NSMAF: variants seen among roughly 807,000 people sequenced by gnomAD.
NSMAF encodes protein FAN.
A neutral mutation model predicts 134.9 loss-of-function variants in NSMAF; 90 were observed. The ratio of observed to expected loss-of-function variants is 0.67; its 90% confidence interval spans 0.56 to 0.79. The LOEUF is 0.79. NSMAF is among the 30% of genes least tolerant of loss of function. The pLI, the probability that NSMAF is intolerant of heterozygous loss-of-function variation, is 0.00. For synonymous variants in NSMAF, 358 were observed against 389.6 expected (o/e 0.92, Z 0.96); for missense variants, 1,010 against 1,119.0 (o/e 0.90, Z 1.39).
chr8:58,610,869 C>T (rs542307713), intron 9 of NSMAF, among the ~76,000 whole-genome samples: 1 of 152,262 alleles, frequency 6.6e-6, no homozygotes, highest in South Asian at 2.1e-4. Context: ...GATCCCAAGT[C>T]CTGTGGAAGA....
chr8:58,632,755 G>A, intron 5 of NSMAF, among the ~76,000 whole-genome samples: 1 of 152,302 alleles, frequency 6.6e-6, no homozygotes. Flanking sequence ...CCAGATGGAT[G>A]CATCCAAATG....
intron 1 of NSMAF, among the ~76,000 whole-genome samples, chr8:58,650,131 C>T (rs1443236196): frequency 6.6e-6 from 1 of 152,200 alleles, no homozygotes; most frequent in East Asian, 1.9e-4. Flanking sequence ...AAAGTTCATC[C>T]TCTTTCAGTC....
At chr8:58,609,191 G>C (rs927871978) in intron 10 of NSMAF, among the ~76,000 whole-genome samples, 3 of 152,168 alleles carry the variant, frequency 2.0e-5, no homozygotes, top group Admixed American at 2.0e-4. Flanking sequence ...TCATCATTAA[G>C]AAGAAGCAAG....
chr8:58,587,737 C>A, intron 26 of NSMAF, 36 bp from the exon 27 acceptor site: 1 of 1,579,474 alleles, frequency 6.3e-7, no homozygotes, highest in South Asian at 1.1e-5. Context: ...TATTTTCAAA[C>A]ATTTAACAAA....
intron 4 of NSMAF, 26 bp downstream of exon 4, chr8:58,635,279 A>G (rs375877645): frequency 2.0e-5 from 32 of 1,609,120 alleles, no homozygotes; most frequent in East Asian, 1.6e-4. Flanking sequence ...TTGAAGTAAA[A>G]TTAAACAGTG....
intron 6 of NSMAF, among the ~76,000 whole-genome samples, chr8:58,630,353 A>G (rs944844451): frequency 6.6e-6 from 1 of 150,720 alleles, no homozygotes; most frequent in African/African-American, 2.4e-5. Context: ...CTTTGGTATT[A>G]TAATTCACAT....
At chr8:58,641,082 T>G (rs1484301219) in intron 2 of NSMAF, among the ~76,000 whole-genome samples, 2 of 151,990 alleles carry the variant, frequency 1.3e-5, no homozygotes, top group African/African-American at 2.4e-5. Flanking sequence ...CCACCACGCC[T>G]GGCTAATTTT....
intron 9 of NSMAF, among the ~76,000 whole-genome samples, chr8:58,621,312 T>C (rs1055949886): frequency 1.9e-4 from 29 of 152,354 alleles, no homozygotes; most frequent in African/African-American, 6.7e-4. Flanking sequence ...AAGTATTCCA[T>C]GGTGTATAGG....
At position 58,605,943 on chromosome 8, in the gene NSMAF, G is replaced by A; in HGVS notation, c.852C>T (p.Tyr284=). ...GCGCCAAACCTAGGTATGTGGCAAT[G>A]TAAAAATAGAGATCATCTCTATCTT... is the stretch of plus-strand genomic sequence containing the variant. ...EPQDRDDLYF[Y]IATYLEHHVA... The change falls in exon 12 of 31, where the codon TAC becomes TAT. Residue 284 remains tyrosine, a synonymous_variant. Coordinates refer to ENST00000038176, the MANE Select transcript of NSMAF (RefSeq NM_003580.4). The A allele has an allele frequency of 1.3e-6, 2 of 1,581,504 alleles. No homozygotes were observed. Among genetic ancestry groups the A allele is most frequent in the Non-Finnish European group, 1.7e-6 (2 of 1,168,818 alleles).
intron 7 of NSMAF, 108 bp from the exon 8 acceptor site, chr8:58,623,532 C>A: frequency 8.4e-7 from 1 of 1,192,378 alleles, no homozygotes; most frequent in Non-Finnish European, 1.2e-6. Flanking sequence ...GTCAAGATTA[C>A]TTCTGATATA....
At chr8:58,607,368 C>T (rs992075243) in intron 11 of NSMAF, among the ~76,000 whole-genome samples, 35 of 152,164 alleles carry the variant, frequency 2.3e-4, no homozygotes, top group African/African-American at 8.4e-4. Flanking sequence ...ATACTAGTTC[C>T]ACTAAAGAAG....
At chr8:58,659,386 C>G in intron 1 of NSMAF, 187 bp downstream of exon 1, 1 of 1,519,308 alleles carries the variant, frequency 6.6e-7, no homozygotes, top group East Asian at 2.7e-5. Context: ...CAGACCAGGC[C>G]CCCGGCCTCT....
intron 16 of NSMAF, among the ~76,000 whole-genome samples, chr8:58,600,538 G>T (rs540188018): frequency 6.9e-6 from 1 of 144,060 alleles, no homozygotes; most frequent in Non-Finnish European, 1.5e-5. Context: ...CAGGAGAATC[G>T]CTTGAACCCG....
rs1261872748 is a variant in NSMAF, at chr8:58,659,461, C to T, written c.59+112G>A. 8 of 1,492,666 alleles carry T rather than the reference C, an allele frequency of 5.4e-6. No homozygotes were observed. In the African/African-American group the frequency reaches 1.0e-4, roughly 19 times the overall value. 92.5% of individuals were successfully genotyped at this position (1,492,666 alleles called of 1,614,324 possible). A position where few individuals can be genotyped will look rare whatever the true frequency, so the allele number is the denominator to read the frequency against. On this transcript the variant is annotated intron_variant, in intron 1 of 30. Transcript: ENST00000038176. ...GCCCTGGACACGCGTCCGGCCCCTG[C>T]CTCCGTGCCCGGCCCCCACGCCGCC...
chr8:58,605,778 G>A, intron 12 of NSMAF, 149 bp downstream of exon 12: 1 of 828,290 alleles, frequency 1.2e-6, no homozygotes, highest in Non-Finnish European at 1.6e-6. Context: ...TACTCGGGAG[G>A]CTGAGGCACA....
At position 58,597,701 on chromosome 8, in the gene NSMAF, C is replaced by A. The variant is rs144319758; in HGVS notation, c.1629-151G>T. ...GGATTGTCTAAACCTCATTATAGAC[C>A]TTCAGAATATTTTCTGATGCTCAGT... is the stretch of plus-strand genomic sequence containing the variant. On this transcript the variant is annotated intron_variant, in intron 20 of 30. Coordinates refer to ENST00000038176, the MANE Select transcript of NSMAF (RefSeq NM_003580.4). 1,044 of 949,356 alleles carry A rather than the reference C, an allele frequency of 1.1e-3. 10 individuals are homozygous for A. The African/African-American group carries it at 0.015, about 14-fold the overall frequency. The allele number at this position is 949,356 out of a possible 1,614,324, so 58.8% of individuals were successfully genotyped here. A position where few individuals can be genotyped will look rare whatever the true frequency, so the allele number is the denominator to read the frequency against.
At chr8:58,603,110 C>T (rs78629641) in intron 13 of NSMAF, 100 bp downstream of exon 13, 4 of 1,172,418 alleles carry the variant, frequency 3.4e-6, no homozygotes, top group Admixed American at 2.0e-5. Flanking sequence ...GTTCACATGT[C>T]ACATCACAAT....
intron 5 of NSMAF, among the ~76,000 whole-genome samples, 165 bp from the exon 6 acceptor site, chr8:58,631,711 T>C (rs548882805): frequency 6.6e-6 from 1 of 152,102 alleles, no homozygotes; most frequent in Non-Finnish European, 1.5e-5. Flanking sequence ...GGCTTTAAAG[T>C]ACTGGTGTTA....
chr8:58,609,966 T>C (rs1806490537), intron 9 of NSMAF, among the ~76,000 whole-genome samples: 1 of 152,180 alleles, frequency 6.6e-6, no homozygotes, highest in African/African-American at 2.4e-5. Flanking sequence ...ACAGAAGCCA[T>C]GACAGACAAG....
Sources: gnomAD v4.1 joint callset for allele counts (sites outside exome capture counted in the v4.1 genomes callset) on GRCh38, gnomAD v4.1.1 for gene constraint, MANE v1.5 for transcripts, NCBI Gene and HGNC (gene_info 2026-07-23, HGNC 2026-07-21) for gene names.